Variants in ZCCHC8 observed in about 807,000 individuals in gnomAD.
The protein encoded by ZCCHC8 is zinc finger CCHC-type containing 8.
ZCCHC8 carries 27 observed loss-of-function variants against 70.6 expected under a neutral mutation model. That is an observed-to-expected ratio of 0.38 (90% CI 0.28 to 0.53). ZCCHC8 has a LOEUF of 0.53. Ranked by LOEUF, ZCCHC8 falls within the 20% of genes least tolerant of loss-of-function variation. The pLI, the probability that ZCCHC8 is intolerant of heterozygous loss-of-function variation, is 0.81. For missense variants in ZCCHC8, 737 were observed against 876.9 expected (o/e 0.84, Z 2.01); for synonymous variants, 293 against 317.4 (o/e 0.92, Z 0.82).
Position 122,473,679 on chromosome 12 carries a change from T to A in ZCCHC8, c.1942A>T (p.Thr648Ser). 1 of 1,613,994 alleles carries A rather than the reference T, an allele frequency of 6.2e-7. No homozygotes were observed. Among genetic ancestry groups the A allele is most frequent in the Non-Finnish European group, 8.5e-7 (1 of 1,179,880 alleles). ...ATTTTAGTGGCCGTTGAAGGACTGG[T>A]GTCTGCAGGAAAGAGCTTCTGGCTG... ...GGSQKLFPAD[T>S]SPSTATKIHS... The change falls in exon 14 of 14, where the codon ACC (threonine) becomes TCC (serine). Residue 648 changes from threonine (T) to serine (S), a missense_variant. Transcript: ENST00000633063.
At chr12:122,484,531 G>A (rs1335425721) in intron 5 of ZCCHC8, among the ~76,000 whole-genome samples, 1 of 150,822 alleles carries the variant, frequency 6.6e-6, no homozygotes, top group Non-Finnish European at 1.5e-5. Context: ...TCCTGCCTCA[G>A]TCTCCTGAGT....
chr12:122,475,719 T>C (rs1957406574), intron 13 of ZCCHC8, among the ~76,000 whole-genome samples: 2 of 152,184 alleles, frequency 1.3e-5, no homozygotes, highest in South Asian at 4.1e-4. Context: ...CGCTGCCAGA[T>C]TCATCACAAG....
intron 2 of ZCCHC8, among the ~76,000 whole-genome samples, chr12:122,497,088 AG>A (rs1399740482): frequency 6.6e-6 from 1 of 151,962 alleles, no homozygotes; most frequent in Admixed American, 6.6e-5. Context: ...CAGGAGGTGG[AG>A]GCTGCAGTGA....
intron 10 of ZCCHC8, 196 bp downstream of exon 10, chr12:122,481,326 A>G: frequency 6.3e-6 from 4 of 632,452 alleles, no homozygotes; most frequent in Non-Finnish European, 9.9e-6. Flanking sequence ...AAGCCCAGAA[A>G]ACCATCAGAT....
chr12:122,477,136 C>T lies in ZCCHC8; in HGVS notation c.1345+705G>A, dbSNP rs1055189714. 4.6e-5 allele frequency among the ~76,000 whole-genome samples: 7 copies of T among 151,436 alleles called. No homozygotes were observed. In the South Asian group the frequency reaches 6.2e-4, roughly 14 times the overall value. ...GATGTGGGGCTTTAATCCCTTTGAACTTTAAGGGAATTTAATTCATGATCT... is the reference window on the plus strand; with the variant it reads ...GATGTGGGGCTTTAATCCCTTTGAATTTTAAGGGAATTTAATTCATGATCT... On this transcript the variant is annotated intron_variant, in intron 13 of 13. Transcript: ENST00000633063.
intron 2 of ZCCHC8, 76 bp downstream of exon 2, chr12:122,498,751 A>G (rs1014755360): frequency 6.3e-6 from 9 of 1,432,090 alleles, no homozygotes; most frequent in Non-Finnish European, 8.8e-6. Flanking sequence ...ACTTTTTACA[A>G]CGAAATTCTG....
At chr12:122,480,089 G>T in intron 11 of ZCCHC8, 101 bp downstream of exon 11, 1 of 1,099,326 alleles carries the variant, frequency 9.1e-7, no homozygotes, top group East Asian at 2.7e-5. Context: ...TGGGATTACA[G>T]GTGTGAGCCA....
chr12:122,493,060 G>T (rs1196951989), intron 2 of ZCCHC8, among the ~76,000 whole-genome samples: 2 of 151,994 alleles, frequency 1.3e-5, no homozygotes, highest in African/African-American at 4.8e-5. Context: ...TGGAGACAGG[G>T]TTTTGCCATG....
Position 122,500,416 on chromosome 12 carries a change from C to A in ZCCHC8, c.199+226G>T, listed in dbSNP as rs1234162066. 5.0e-6 allele frequency: 3 copies of A among 598,130 alleles called. No individual in the cohort carries two copies. Among genetic ancestry groups the A allele is most frequent in the Non-Finnish European group, 8.7e-6 (3 of 346,690 alleles). The allele number at this position is 598,130 out of a possible 1,614,324, so 37.1% of individuals were successfully genotyped here. ...GGTGGGAGGCAGGAGTGGGTCTGGT[C>A]AGGAGACGGCCTCCCTGAGGGGAAG... is the stretch of plus-strand genomic sequence containing the variant. On this transcript the variant is annotated intron_variant, in intron 1 of 13. Transcript: ENST00000633063. The surrounding 1 kb of genome is among the most constrained non-coding windows in gnomAD (Gnocchi z 4.8).
chr12:122,482,470 T>A (rs1957555242), intron 8 of ZCCHC8, 165 bp downstream of exon 8: 1 of 481,444 alleles, frequency 2.1e-6, no homozygotes, highest in South Asian at 5.4e-5. Context: ...AAATTTAATG[T>A]CTTAAAATAT....
At chr12:122,478,010 A>G in intron 12 of ZCCHC8, 52 bp from the exon 13 acceptor site, 1 of 1,391,364 alleles carries the variant, frequency 7.2e-7, no homozygotes, top group Middle Eastern at 1.8e-4. Context: ...ATAATGAATT[A>G]AACTCCATCC....
chr12:122,480,188 A>C lies in ZCCHC8; in HGVS notation c.1140+2T>G. The C allele has an allele frequency of 6.4e-7, 1 of 1,569,580 alleles. No homozygotes were observed. The stretch of plus-strand genomic sequence containing the variant: ...ATAATTTAAAAAAATCAATATACTT[A>C]CGTCTGGAATTCCTCTGGGAGTAGA... On this transcript the variant is annotated splice_donor_variant, in intron 11 of 13. Coordinates refer to ENST00000633063, the MANE Select transcript of ZCCHC8 (RefSeq NM_017612.5). LOFTEE classifies it high-confidence loss of function.
chr12:122,498,444 T>A (rs1957864320), intron 2 of ZCCHC8, among the ~76,000 whole-genome samples: 1 of 152,068 alleles, frequency 6.6e-6, no homozygotes, highest in Admixed American at 6.6e-5. Context: ...TACTATAATT[T>A]TTTTTTTTAG....
At chr12:122,489,503 T>A in intron 4 of ZCCHC8, 40 bp from the exon 5 acceptor site, 1 of 1,567,786 alleles carries the variant, frequency 6.4e-7, no homozygotes, top group Admixed American at 1.7e-5. Flanking sequence ...CGGTAACCAA[T>A]TTTTAACCAG....
chr12:122,479,822 T>C (rs1223915755), intron 11 of ZCCHC8, among the ~76,000 whole-genome samples: 1 of 152,216 alleles, frequency 6.6e-6, no homozygotes, highest in East Asian at 1.9e-4. Flanking sequence ...CTTTAAATAG[T>C]AACTGCTATA....
Position 122,483,579 on chromosome 12 carries a change from C to A in ZCCHC8, c.502-16G>T, listed in dbSNP as rs751284524. ...TTCCTACAACCTGCAGAAAACAAGT[C>A]AAAAAATATTGCTATTTAAGCAGAA... On this transcript the variant is annotated splice_polypyrimidine_tract_variant and intron_variant, in intron 5 of 13. Coordinates refer to ENST00000633063, the MANE Select transcript of ZCCHC8 (RefSeq NM_017612.5). The surrounding 1 kb of genome is among the most constrained non-coding windows in gnomAD (Gnocchi z 4.4). The A allele has an allele frequency of 1.0e-5, 16 of 1,530,582 alleles. No homozygotes were observed. Among genetic ancestry groups the A allele is most frequent in the African/African-American group, 2.8e-5 (2 of 72,558 alleles). The allele number at this position is 1,530,582 out of a possible 1,614,324, so 94.8% of individuals were successfully genotyped here.
chr12:122,492,555 A>G (rs1391841162), intron 3 of ZCCHC8, among the ~76,000 whole-genome samples, 160 bp downstream of exon 3: 2 of 152,170 alleles, frequency 1.3e-5, no homozygotes, highest in Non-Finnish European at 2.9e-5. Flanking sequence ...TGTGACCCCA[A>G]TGTCCTTGCT....
At chr12:122,487,717 T>A (rs1238148874) in intron 5 of ZCCHC8, among the ~76,000 whole-genome samples, 1 of 152,230 alleles carries the variant, frequency 6.6e-6, no homozygotes, top group Non-Finnish European at 1.5e-5. Flanking sequence ...TTTAGTCTTT[T>A]ACAAATAACA....
chr12:122,473,279 T>C lies in ZCCHC8; in HGVS notation c.*218A>G. ...AACAAACCCTCTCTAAACCAGGTCATATTCACATCTCCCCCCAAGTTTTGT... is the reference window on the plus strand; with the variant it reads ...AACAAACCCTCTCTAAACCAGGTCACATTCACATCTCCCCCCAAGTTTTGT... On this transcript the variant is annotated 3_prime_UTR_variant, in exon 14 of 14. Coordinates refer to ENST00000633063, the MANE Select transcript of ZCCHC8 (RefSeq NM_017612.5). 1 of 564,288 alleles carries C rather than the reference T, an allele frequency of 1.8e-6. No individual in the cohort carries two copies. Among genetic ancestry groups the C allele is most frequent in the Non-Finnish European group, 3.1e-6 (1 of 324,920 alleles). The allele number at this position is 564,288 out of a possible 1,614,324, so 35.0% of individuals were successfully genotyped here.
Sources: allele counts gnomAD v4.1 joint callset (sites outside exome capture counted in the v4.1 genomes callset), GRCh38; gene constraint gnomAD v4.1.1; non-coding constraint Gnocchi (gnomAD v3.1); transcripts MANE v1.5; gene names NCBI Gene and HGNC (gene_info 2026-07-23, HGNC 2026-07-21).